Variants in MACROD2 observed in about 807,000 individuals in gnomAD.
The protein encoded by MACROD2 is mono-ADP ribosylhydrolase 2.
Under a neutral mutation model 70.4 loss-of-function variants are expected in MACROD2, and 36 were observed. That is an observed-to-expected ratio of 0.51 (90% CI 0.39 to 0.68). The LOEUF is 0.68. Among genes scored for constraint, MACROD2 ranks in the 30% least tolerant of loss-of-function variants. MACROD2 has a pLI of 0.00. For synonymous variants in MACROD2, 172 were observed against 178.8 expected, an observed-to-expected ratio of 0.96 and a Z score of 0.30; for missense variants, 496 against 538.4, an observed-to-expected ratio of 0.92 and a Z score of 0.78.
intron 3 of MACROD2, among the ~76,000 whole-genome samples, chr20:14,111,972 T>C (rs1161362244): frequency 4.0e-5 from 6 of 151,856 alleles, no homozygotes; most frequent in Admixed American, 3.9e-4. Context: ...CATCAGGAGA[T>C]GAATGGATAA....
chr20:14,045,782 T>A (rs561635215), intron 2 of MACROD2, among the ~76,000 whole-genome samples: 1 of 152,166 alleles, frequency 6.6e-6, no homozygotes, highest in African/African-American at 2.4e-5. Flanking sequence ...AGGGGGGAAT[T>A]AAAAACATGA....
chr20:14,816,815 T>G (rs544738966), intron 5 of MACROD2, among the ~76,000 whole-genome samples: 1 of 151,968 alleles, frequency 6.6e-6, no homozygotes, highest in Non-Finnish European at 1.5e-5. Context: ...GCCTTAAAAC[T>G]ATCATTCTAT....
chr20:15,926,076 G>A (rs562768058), intron 10 of MACROD2, among the ~76,000 whole-genome samples: 2 of 152,162 alleles, frequency 1.3e-5, no homozygotes, highest in African/African-American at 2.4e-5. Flanking sequence ...ATATTGTAAC[G>A]AGTTCCATAC....
At chr20:15,737,434 A>T (rs567663012) in intron 8 of MACROD2, among the ~76,000 whole-genome samples, 8 of 152,322 alleles carry the variant, frequency 5.3e-5, no homozygotes, top group Admixed American at 4.6e-4. Context: ...ACTTACTGAG[A>T]CACTGATGCG....
At position 16,052,104 on chromosome 20, in the gene MACROD2, T is replaced by C. The variant is rs1023497104; in HGVS notation, c.*2228T>C. 90 of 152,006 alleles carry C rather than the reference T, an allele frequency of 5.9e-4. 1 individual carries two copies. The highest frequency in any genetic ancestry group is 1.8e-3 in the African/African-American group (74 of 41,248). The allele number at this position is 152,006 out of a possible 1,614,324, so 9.4% of individuals were successfully genotyped here. A position where few individuals can be genotyped will look rare whatever the true frequency, so the allele number is the denominator to read the frequency against. On this transcript the variant is annotated 3_prime_UTR_variant, in exon 18 of 18. Coordinates refer to ENST00000684519, the MANE Select transcript of MACROD2 (RefSeq NM_001351661.2). ...AAACTAAGAGAATGAGGAATAAATA[T>C]CTTCAGCCCGACTCCTGAATTTGTT...
intron 5 of MACROD2, among the ~76,000 whole-genome samples, chr20:15,164,899 TA>T (rs1382390993): frequency 6.6e-6 from 1 of 151,554 alleles, no homozygotes; most frequent in Non-Finnish European, 1.5e-5. Context: ...AGACTGTCTC[TA>T]AAAAAATAAA....
At chr20:14,188,777 A>G (rs550599501) in intron 3 of MACROD2, among the ~76,000 whole-genome samples, 18 of 152,264 alleles carry the variant, frequency 1.2e-4, no homozygotes, top group Admixed American at 1.1e-3. Flanking sequence ...GTACTTGTAG[A>G]ATTTAAATTG....
At chr20:15,166,992 T>C (rs1427640856) in intron 5 of MACROD2, among the ~76,000 whole-genome samples, 1 of 151,182 alleles carries the variant, frequency 6.6e-6, no homozygotes, top group Non-Finnish European at 1.5e-5. Context: ...AATTTAAGTA[T>C]GAAATTATTA....
intron 8 of MACROD2, among the ~76,000 whole-genome samples, chr20:15,760,223 G>A (rs548036512): frequency 6.6e-6 from 1 of 152,302 alleles, no homozygotes; most frequent in Non-Finnish European, 1.5e-5. Context: ...AGAGCTGCTC[G>A]CTGAAGCTGG....
chr20:15,593,464 G>A (rs182499933), intron 8 of MACROD2, among the ~76,000 whole-genome samples: 156 of 152,270 alleles, frequency 1.0e-3, no homozygotes, highest in Non-Finnish European at 1.7e-3. Context: ...GGCATTTATT[G>A]CTAATTGTAA....
At chr20:14,069,516 T>C (rs1485123061) in intron 2 of MACROD2, among the ~76,000 whole-genome samples, 1 of 151,650 alleles carries the variant, frequency 6.6e-6, no homozygotes, top group African/African-American at 2.4e-5. Flanking sequence ...GGCATTTGGA[T>C]ATTAGATTTC....
intron 8 of MACROD2, among the ~76,000 whole-genome samples, chr20:15,793,301 T>A (rs1481001393): frequency 6.6e-6 from 1 of 152,202 alleles, no homozygotes; most frequent in African/African-American, 2.4e-5. Context: ...TCAGTGAATC[T>A]GGGGTGAAGC....
At chr20:14,380,363 G>T (rs895502162) in intron 3 of MACROD2, among the ~76,000 whole-genome samples, 8 of 151,972 alleles carry the variant, frequency 5.3e-5, no homozygotes, top group Admixed American at 3.3e-4. Context: ...TTAATAGGTT[G>T]TCTTTTCACT....
Position 15,822,946 on chromosome 20 carries a change from C to T in MACROD2, c.646-39799C>T, listed in dbSNP as rs192019562. The stretch of plus-strand genomic sequence containing the variant: ...CAGTAAATGAGACTCTGCTGATGTT[C>T]CTATAGGCCATGAACCAGCCGGCAC... On this transcript the variant is annotated intron_variant, in intron 8 of 17. Coordinates refer to ENST00000684519, the MANE Select transcript of MACROD2 (RefSeq NM_001351661.2). 9.4e-4 allele frequency among the ~76,000 whole-genome samples: 143 copies of T among 152,238 alleles called. 1 individual carries two copies. Among genetic ancestry groups the T allele is most frequent in the Non-Finnish European group, 1.0e-4 (7 of 68,016 alleles).
At chr20:14,826,957 A>G (rs1220469280) in intron 5 of MACROD2, among the ~76,000 whole-genome samples, 1 of 152,116 alleles carries the variant, frequency 6.6e-6, no homozygotes, top group East Asian at 1.9e-4. Context: ...TAAGGAGTCA[A>G]CACTGCTTAT....
At chr20:15,787,070 C>G (rs960058848) in intron 8 of MACROD2, among the ~76,000 whole-genome samples, 3 of 152,002 alleles carry the variant, frequency 2.0e-5, no homozygotes, top group Non-Finnish European at 2.9e-5. Context: ...CCTCCTGGTT[C>G]AAACGATTCT....
intron 5 of MACROD2, among the ~76,000 whole-genome samples, chr20:14,723,969 G>T (rs1183551388): frequency 6.6e-6 from 1 of 151,760 alleles, no homozygotes; most frequent in African/African-American, 2.4e-5. Context: ...TACACTGTTG[G>T]GTATCTCTTA....
Position 14,472,361 on chromosome 20 carries a change from TTAC to T in MACROD2, c.272-21116_272-21114del, listed in dbSNP as rs150223325. Reference sequence around the variant, plus strand: ...CATTTACTAAGCATTTACAGAATGCTTACTGTAAAATTGGCATTGTTTTTAATA... The same window carrying T: ...CATTTACTAAGCATTTACAGAATGCTTGTAAAATTGGCATTGTTTTTAATA... On this transcript the variant is annotated intron_variant, in intron 3 of 17. Coordinates refer to ENST00000684519, the MANE Select transcript of MACROD2 (RefSeq NM_001351661.2). 4.5e-3 allele frequency among the ~76,000 whole-genome samples: 693 copies of T among 152,332 alleles called. 28 individuals carry two copies. In the East Asian group the frequency reaches 0.11, roughly 24 times the overall value.
chr20:15,529,844 A>G (rs1204340244), intron 8 of MACROD2, among the ~76,000 whole-genome samples: 1 of 152,192 alleles, frequency 6.6e-6, no homozygotes, highest in African/African-American at 2.4e-5. Context: ...GGGAATATAC[A>G]ATGGGAGGTG....
Sources: allele counts gnomAD v4.1 joint callset (sites outside exome capture counted in the v4.1 genomes callset), GRCh38; gene constraint gnomAD v4.1.1; transcripts MANE v1.5; gene names NCBI Gene and HGNC (gene_info 2026-07-23, HGNC 2026-07-21).